ATG7: variants seen among roughly 807,000 people sequenced by gnomAD.
ATG7 encodes the protein autophagy related 7.
In ATG7, 70 loss-of-function variants were observed where a neutral mutation model predicts 82.4. That is an observed-to-expected ratio of 0.85 (90% confidence interval 0.70 to 1.04). The LOEUF is 1.04. ATG7 is among the 50% of genes least tolerant of loss of function. The probability of loss-of-function intolerance (pLI) is 0.00; values close to 1 mark genes in which losing one functional copy is unlikely to be tolerated. For missense variants in ATG7, 792 were observed against 864.3 expected (o/e 0.92, Z 1.05); for synonymous variants, 287 against 313.0 (o/e 0.92, Z 0.88).
At chr3:11,363,035 C>G (rs1468090586) in intron 17 of ATG7, 107 bp downstream of exon 17, 13 of 953,652 alleles carry the variant, frequency 1.4e-5, no homozygotes, top group Non-Finnish European at 2.0e-5. Flanking sequence ...GAGAATTTCA[C>G]TATTTCACCC....
chr3:11,574,976 A>T, the ATG7 span, among the ~76,000 whole-genome samples: 1 of 152,062 alleles, frequency 6.6e-6, no homozygotes, highest in East Asian at 1.9e-4. Context: ...TTGGCTTGGT[A>T]GTGTTTGGGG....
At chr3:11,384,233 T>C (rs946048430) in intron 19 of ATG7, among the ~76,000 whole-genome samples, 3 of 152,218 alleles carry the variant, frequency 2.0e-5, no homozygotes, top group Admixed American at 6.5e-5. Flanking sequence ...GTATTCTTGC[T>C]CTTGTTGCAC....
At chr3:11,446,949 A>T (rs1286241078) in intron 20 of ATG7, 2 of 152,922 alleles carry the variant, frequency 1.3e-5, no homozygotes, top group African/African-American at 4.8e-5. Context: ...GCCTGACATC[A>T]AGTCAGTGGT....
intron 20 of ATG7, among the ~76,000 whole-genome samples, chr3:11,512,780 G>A (rs867405519): frequency 6.6e-6 from 1 of 152,204 alleles, no homozygotes; most frequent in African/African-American, 2.4e-5. Context: ...GACCTGAGCG[G>A]GTTGCCATTG....
At chr3:11,548,098 C>T (rs2071441708) in intron 20 of ATG7, among the ~76,000 whole-genome samples, 1 of 152,194 alleles carries the variant, frequency 6.6e-6, no homozygotes, top group Non-Finnish European at 1.5e-5. Flanking sequence ...CCCACCTTGG[C>T]CTCCCAAAGT....
Position 11,422,769 on chromosome 3 carries a change from T to TTTTTTTTTG in ATG7, c.1957-4035_1957-4034insTTTTTTTTG, listed in dbSNP as rs1386943052. Among the ~76,000 whole-genome samples, 93 of 102,696 alleles carry TTTTTTTTTG rather than the reference T, an allele frequency of 9.1e-4. 21 individuals are homozygous for TTTTTTTTTG. Among genetic ancestry groups the TTTTTTTTTG allele is most frequent in the African/African-American group, 3.4e-3 (87 of 25,270 alleles). The allele number at this position is 102,696 out of a possible 152,430, so 67.4% of individuals were successfully genotyped here. On this transcript the variant is annotated intron_variant, in intron 19 of 20. Coordinates refer to ENST00000693202, the MANE Select transcript of ATG7 (RefSeq NM_001349232.2). ...TTTTTTTTTTTTTTTTTTTTTTTTT[T>TTTTTTTTTG]GGAGACAGAGTCTCACTCCGTTGCC... is the stretch of plus-strand genomic sequence containing the variant.
intron 11 of ATG7, among the ~76,000 whole-genome samples, chr3:11,334,467 C>T (rs1952094849): frequency 6.6e-6 from 1 of 150,520 alleles, no homozygotes; most frequent in Non-Finnish European, 1.5e-5. Flanking sequence ...CAGTCTTGAA[C>T]TCCTGACCTC....
intron 5 of ATG7, among the ~76,000 whole-genome samples, chr3:11,303,642 T>C (rs1374714291): frequency 6.6e-6 from 1 of 151,012 alleles, no homozygotes; most frequent in Non-Finnish European, 1.5e-5. Flanking sequence ...CACTCCGGCC[T>C]GGGCGACAGA....
chr3:11,397,747 G>A (rs1355155167), intron 19 of ATG7, among the ~76,000 whole-genome samples: 2 of 76,480 alleles, frequency 2.6e-5, no homozygotes, highest in African/African-American at 4.8e-5. Context: ...GTGCACCCAC[G>A]CCCAGCCCGG....
intron 20 of ATG7, among the ~76,000 whole-genome samples, chr3:11,533,450 T>A (rs988918680): frequency 6.6e-6 from 1 of 151,570 alleles, no homozygotes; most frequent in Non-Finnish European, 1.5e-5. Flanking sequence ...TTGCTTGCTG[T>A]TATTCTTCTG....
At chr3:11,436,463 C>G (rs766817589) in intron 20 of ATG7, among the ~76,000 whole-genome samples, 1 of 152,162 alleles carries the variant, frequency 6.6e-6, no homozygotes, top group African/African-American at 2.4e-5. Flanking sequence ...GATTGTACCC[C>G]TAGATATATA....
chr3:11,414,853 T>G (rs2081231780), intron 19 of ATG7, among the ~76,000 whole-genome samples: 1 of 152,268 alleles, frequency 6.6e-6, no homozygotes, highest in Admixed American at 6.5e-5. Context: ...TGTGATGGTT[T>G]ATATTGATTT....
chr3:11,352,093 C>T (rs746109294), intron 14 of ATG7, among the ~76,000 whole-genome samples: 1 of 150,322 alleles, frequency 6.7e-6, no homozygotes, highest in East Asian at 2.0e-4. Flanking sequence ...TGAGTGAGAA[C>T]ACGCGGTGTT....
chr3:11,443,013 A>T (rs1448618414), intron 20 of ATG7, among the ~76,000 whole-genome samples: 2 of 152,160 alleles, frequency 1.3e-5, no homozygotes, highest in Non-Finnish European at 2.9e-5. Flanking sequence ...CTGTGTAAAA[A>T]CTTCATAGTG....
At chr3:11,494,316 G>T (rs1365852621) in intron 20 of ATG7, among the ~76,000 whole-genome samples, 1 of 152,190 alleles carries the variant, frequency 6.6e-6, no homozygotes, top group Non-Finnish European at 1.5e-5. Context: ...ATCATGATGG[G>T]TGAGGGGTCT....
rs1187035315 is a variant in ATG7 at position 11,538,890 on chromosome 3, G to GAA, written c.2080-15917_2080-15916dup. On this transcript the variant is annotated intron_variant, in intron 20 of 20. Coordinates refer to ENST00000693202, the MANE Select transcript of ATG7 (RefSeq NM_001349232.2). ...CTCTTGTCTCAAAAAAAAAGAAAAA[G>GAA]AAAAAGCCCTTAGTAATTCTTGAGA... Among the ~76,000 whole-genome samples the GAA allele has an allele frequency of 1.7e-3, 252 of 149,386 alleles. 2 individuals are homozygous for GAA. Among genetic ancestry groups the GAA allele is most frequent in the African/African-American group, 5.9e-3 (239 of 40,642 alleles).
At chr3:11,410,081 G>A (rs907025432) in intron 19 of ATG7, among the ~76,000 whole-genome samples, 3 of 151,982 alleles carry the variant, frequency 2.0e-5, no homozygotes, top group African/African-American at 2.4e-5. Flanking sequence ...TTTACAATCA[G>A]CTTGTTTTAT....
At chr3:11,438,525 C>T (rs1476572332) in intron 20 of ATG7, among the ~76,000 whole-genome samples, 1 of 152,060 alleles carries the variant, frequency 6.6e-6, no homozygotes, top group Non-Finnish European at 1.5e-5. Context: ...AAGATTGTAC[C>T]ACTGTACTCC....
intron 15 of ATG7, among the ~76,000 whole-genome samples, chr3:11,359,083 T>C (rs979179070): frequency 5.9e-5 from 9 of 152,172 alleles, no homozygotes; most frequent in Non-Finnish European, 8.8e-5. Context: ...ATATTGTATA[T>C]ATTTTATACC....
Sources: allele counts gnomAD v4.1 joint callset (sites outside exome capture counted in the v4.1 genomes callset), GRCh38; gene constraint gnomAD v4.1.1; transcripts MANE v1.5; gene names NCBI Gene and HGNC (gene_info 2026-07-23, HGNC 2026-07-21).